The following CAMKMT variants were observed in gnomAD, a reference collection of about 807,000 sequenced individuals.
CAMKMT encodes CaM KMT.
CAMKMT carries 53 observed loss-of-function variants against 48.0 expected under a neutral mutation model. The observed-to-expected ratio is 1.10, with a 90% CI of 0.89 to 1.39. The LOEUF (loss-of-function observed/expected upper bound fraction) is 1.39. Among genes scored for constraint, CAMKMT ranks in the 40% most tolerant of loss-of-function variants. The pLI is 0.00. For synonymous variants in CAMKMT, 165 were observed against 152.3 expected (o/e 1.08, Z -0.61); for missense variants, 428 against 402.7 (o/e 1.06, Z -0.54).
chr2:44,523,493 C>T (rs1336019725), intron 3 of CAMKMT, among the ~76,000 whole-genome samples: 1 of 151,816 alleles, frequency 6.6e-6, no homozygotes, highest in Non-Finnish European at 1.5e-5. Flanking sequence ...AAGAGTTTCA[C>T]CATGTTGGCC....
chr2:44,616,059 C>T (rs1467461378), intron 3 of CAMKMT, among the ~76,000 whole-genome samples: 1 of 152,230 alleles, frequency 6.6e-6, no homozygotes, highest in African/African-American at 2.4e-5. Flanking sequence ...TCAGCCTGGA[C>T]ACCTCTTCTC....
chr2:44,422,767 T>C (rs752113719), intron 3 of CAMKMT, among the ~76,000 whole-genome samples: 1 of 152,112 alleles, frequency 6.6e-6, no homozygotes, highest in Non-Finnish European at 1.5e-5. Context: ...TAGATCAGTG[T>C]TTTACTCTCA....
At chr2:44,588,310 G>T (rs1348536995) in intron 3 of CAMKMT, among the ~76,000 whole-genome samples, 1 of 88,858 alleles carries the variant, frequency 1.1e-5, no homozygotes, top group Non-Finnish European at 2.5e-5. Flanking sequence ...GGGAGGGGGG[G>T]GGTCAGCCCC....
chr2:44,447,322 T>G (rs1229137898), intron 3 of CAMKMT, among the ~76,000 whole-genome samples: 2 of 152,238 alleles, frequency 1.3e-5, no homozygotes, highest in Non-Finnish European at 2.9e-5. Context: ...TTTTATGTAA[T>G]TCTGTTATAA....
intron 3 of CAMKMT, among the ~76,000 whole-genome samples, chr2:44,434,756 C>G (rs550163920): frequency 6.6e-6 from 1 of 152,256 alleles, no homozygotes; most frequent in South Asian, 2.1e-4. Flanking sequence ...TGAAATTCAG[C>G]TATTTTGTGA....
At chr2:44,525,323 T>A (rs2104810200) in intron 3 of CAMKMT, among the ~76,000 whole-genome samples, 2 of 152,274 alleles carry the variant, frequency 1.3e-5, no homozygotes, top group South Asian at 2.1e-4. Flanking sequence ...TGGTGTGATC[T>A]CAGCTCACTG....
chr2:44,643,170 A>C (rs4953125), intron 3 of CAMKMT, among the ~76,000 whole-genome samples: 1 of 151,980 alleles, frequency 6.6e-6, no homozygotes, highest in African/African-American at 2.4e-5. Flanking sequence ...AAGCTCTTCT[A>C]TTTTATTTGT....
intron 8 of CAMKMT, among the ~76,000 whole-genome samples, chr2:44,747,789 A>G (rs1679981314): frequency 6.6e-6 from 1 of 152,218 alleles, no homozygotes; most frequent in Non-Finnish European, 1.5e-5. Flanking sequence ...ATGGTCTGGC[A>G]CCTTTCCTTT....
chr2:44,738,834 G>A (rs1679506502), intron 7 of CAMKMT, among the ~76,000 whole-genome samples: 1 of 152,196 alleles, frequency 6.6e-6, no homozygotes, highest in African/African-American at 2.4e-5. Context: ...AGGATGGTCA[G>A]GGAAGGCCTC....
intron 3 of CAMKMT, among the ~76,000 whole-genome samples, chr2:44,614,402 T>G (rs1040850470): frequency 2.0e-5 from 3 of 152,230 alleles, no homozygotes; most frequent in African/African-American, 4.8e-5. Flanking sequence ...ACAGTTGCAT[T>G]GCATTCTTCA....
chr2:44,685,404 A>ACT (rs1676282474), intron 3 of CAMKMT, among the ~76,000 whole-genome samples: 1 of 152,124 alleles, frequency 6.6e-6, no homozygotes, highest in South Asian at 2.1e-4. Flanking sequence ...CTTAGAATAC[A>ACT]CTGGGGCTGG....
rs750112690 is a variant in CAMKMT at position 44,549,786 on chromosome 2, A to T, written c.377-154497A>T. ...AAACTCCACTCCCTCTTAGACTTAC[A>T]TCCTAGAACAAAGACATAGGGGGCT... On this transcript the variant is annotated intron_variant, in intron 3 of 10. Transcript: ENST00000378494. 76 of 429,890 alleles carry T rather than the reference A, an allele frequency of 1.8e-4. No homozygotes were observed. The Middle Eastern group carries it at 2.0e-3, about 12-fold the overall frequency. The allele number at this position is 429,890 out of a possible 1,614,324, so 26.6% of individuals were successfully genotyped here. A position where few individuals can be genotyped will look rare whatever the true frequency, so the allele number is the denominator to read the frequency against.
chr2:44,565,205 T>A (rs10188972), intron 3 of CAMKMT, among the ~76,000 whole-genome samples: 5 of 152,024 alleles, frequency 3.3e-5, no homozygotes, highest in African/African-American at 7.2e-5. Context: ...TGGCAACACC[T>A]TCAAACATTT....
At chr2:44,515,050 T>C (rs1670767234) in intron 3 of CAMKMT, among the ~76,000 whole-genome samples, 1 of 152,224 alleles carries the variant, frequency 6.6e-6, no homozygotes, top group South Asian at 2.1e-4. Context: ...GCTGACCTGA[T>C]ATACTTTTGT....
intron 6 of CAMKMT, among the ~76,000 whole-genome samples, chr2:44,707,832 T>G (rs1345496554): frequency 6.6e-6 from 1 of 152,224 alleles, no homozygotes; most frequent in Non-Finnish European, 1.5e-5. Flanking sequence ...CTGGCAAATA[T>G]TAACTTCCAG....
chr2:44,486,020 A>C (rs1669199135), intron 3 of CAMKMT, among the ~76,000 whole-genome samples: 1 of 152,020 alleles, frequency 6.6e-6, no homozygotes, highest in Non-Finnish European at 1.5e-5. Flanking sequence ...GCTTGAGTGC[A>C]GTGGTGCGGT....
intron 3 of CAMKMT, among the ~76,000 whole-genome samples, chr2:44,654,028 C>T (rs182891428): frequency 1.3e-5 from 2 of 152,268 alleles, no homozygotes; most frequent in Admixed American, 1.3e-4. Context: ...ACAAATAATT[C>T]AGCCATGAGT....
At chr2:44,691,764 G>A (rs12478807) in intron 3 of CAMKMT, among the ~76,000 whole-genome samples, 17,380 of 152,108 alleles carry the variant, frequency 0.11, 1,118 homozygotes, top group Non-Finnish European at 0.14. Context: ...GCATGACTGG[G>A]GAGAAGGTTT....
chr2:44,440,654 C>G (rs1388269522), intron 3 of CAMKMT, among the ~76,000 whole-genome samples: 1 of 152,024 alleles, frequency 6.6e-6, no homozygotes, highest in Non-Finnish European at 1.5e-5. Context: ...GGCTCAGTAG[C>G]CACATGTGGC....
Sources: allele counts gnomAD v4.1 joint callset (sites outside exome capture counted in the v4.1 genomes callset), GRCh38; gene constraint gnomAD v4.1.1; transcripts MANE v1.5; gene names NCBI Gene and HGNC (gene_info 2026-07-23, HGNC 2026-07-21).